The following RBFOX2 variants were observed in gnomAD, a reference collection of about 807,000 sequenced individuals.
RBFOX2 encodes the protein RNA binding fox-1 homolog 2, also known as RNA binding protein fox-1 homolog 2.
In RBFOX2, 10 loss-of-function variants were observed where a neutral mutation model predicts 49.1. The ratio of observed to expected loss-of-function variants is 0.20; its 90% CI spans 0.13 to 0.35. The LOEUF is 0.35. RBFOX2 is among the 10% of genes least tolerant of loss of function. The pLI is 1.00. For missense variants in RBFOX2, 323 were observed against 486.9 expected, an observed-to-expected ratio of 0.66 and a Z score of 3.17; for synonymous variants, 183 against 187.4, an observed-to-expected ratio of 0.98 and a Z score of 0.19.
chr22:35,804,467 C>T (rs1950331347), intron 2 of RBFOX2, among the ~76,000 whole-genome samples: 1 of 151,924 alleles, frequency 6.6e-6, no homozygotes, highest in African/African-American at 2.4e-5. Flanking sequence ...CGGCTCAAAG[C>T]CAAAGACAAA....
At chr22:35,989,169 T>C (rs1282960488) in intron 1 of RBFOX2, among the ~76,000 whole-genome samples, 6 of 152,256 alleles carry the variant, frequency 3.9e-5, no homozygotes, top group Middle Eastern at 3.4e-3. Context: ...AGACAGCAAT[T>C]TGGAAGTTGT....
chr22:35,909,132 G>A (rs2049471379), intron 1 of RBFOX2, among the ~76,000 whole-genome samples: 1 of 152,138 alleles, frequency 6.6e-6, no homozygotes, highest in African/African-American at 2.4e-5. Flanking sequence ...GTGAGCCACT[G>A]CGCCCAGCAC....
intron 1 of RBFOX2, among the ~76,000 whole-genome samples, chr22:36,014,514 T>C (rs2058958857): frequency 6.6e-6 from 1 of 152,182 alleles, no homozygotes; most frequent in South Asian, 2.1e-4. Flanking sequence ...TCAAAATTTT[T>C]AGGTTTCTTT....
Position 35,760,034 on chromosome 22 carries a change from C to G in RBFOX2, c.755-14G>C. ...GGAAGCCAGGAACTAAAGGGAGACC[C>G]AAAATATGACAGAAATTTCAACTTG... On this transcript the variant is annotated splice_polypyrimidine_tract_variant and intron_variant, in intron 8 of 11. Coordinates refer to ENST00000405409, the Ensembl canonical transcript of RBFOX2. The G allele has an allele frequency of 6.2e-7, 1 of 1,613,294 alleles. No homozygotes were observed. Among genetic ancestry groups the G allele is most frequent in the Non-Finnish European group, 8.5e-7 (1 of 1,179,842 alleles).
intron 1 of RBFOX2, among the ~76,000 whole-genome samples, chr22:35,904,530 AC>A (rs1336798012): frequency 6.6e-6 from 1 of 152,232 alleles, no homozygotes; most frequent in African/African-American, 2.4e-5. Context: ...AAAAGGACTC[AC>A]AGCTTTGCCA....
intron 2 of RBFOX2, among the ~76,000 whole-genome samples, chr22:35,794,228 C>G (rs1480365351): frequency 6.6e-6 from 1 of 151,416 alleles, no homozygotes; most frequent in Non-Finnish European, 1.5e-5. Flanking sequence ...TTTAAATCAC[C>G]ATTTGCATGG....
intron 1 of RBFOX2, among the ~76,000 whole-genome samples, chr22:35,881,493 G>A (rs1380792082): frequency 6.7e-6 from 1 of 150,274 alleles, no homozygotes; most frequent in Non-Finnish European, 1.5e-5. Context: ...AAGGAAGGAG[G>A]ATAGCTTGAA....
At chr22:35,777,011 A>T (rs145378262) in intron 4 of RBFOX2, among the ~76,000 whole-genome samples, 69 of 151,896 alleles carry the variant, frequency 4.5e-4, no homozygotes, top group African/African-American at 1.6e-3. Flanking sequence ...AAATAGGGGA[A>T]ATAATTTTTT....
intron 2 of RBFOX2, among the ~76,000 whole-genome samples, chr22:35,805,101 C>T (rs1388121967): frequency 6.6e-6 from 1 of 151,896 alleles, no homozygotes; most frequent in Non-Finnish European, 1.5e-5. Flanking sequence ...TCCTGGCTAA[C>T]ACAGTGAAAC....
At chr22:35,980,179 T>C (rs2057387934) in intron 1 of RBFOX2, among the ~76,000 whole-genome samples, 1 of 152,116 alleles carries the variant, frequency 6.6e-6, no homozygotes, top group Admixed American at 6.5e-5. Context: ...GGAATATACT[T>C]AGGTCATGTA....
chr22:35,799,464 C>T (rs920444183), intron 2 of RBFOX2, among the ~76,000 whole-genome samples: 5 of 152,180 alleles, frequency 3.3e-5, no homozygotes, highest in Non-Finnish European at 7.3e-5. Context: ...TTCTAAAACA[C>T]ATTTTAAAAA....
exon 1 of RBFOX2, chr22:36,028,511 G>A (rs2059538345): frequency 9.7e-7 from 1 of 1,030,666 alleles, no homozygotes; most frequent in Non-Finnish European, 1.2e-6. Flanking sequence ...TGTCGCGACA[G>A]GCGGGCGCGC....
At chr22:35,878,039 TAC>T (rs58181557) in intron 1 of RBFOX2, among the ~76,000 whole-genome samples, 32,104 of 140,868 alleles carry the variant, frequency 0.23, 3,971 homozygotes, top group Middle Eastern at 0.35. Context: ...CTACTACTAC[TAC>T]ACACACACAC....
chr22:35,819,946 G>T (rs969616227), intron 1 of RBFOX2, among the ~76,000 whole-genome samples: 2 of 152,176 alleles, frequency 1.3e-5, no homozygotes, highest in South Asian at 2.1e-4. Flanking sequence ...CTGGATGGAA[G>T]AAGACTCCAG....
At chr22:36,008,831 A>T in intron 1 of RBFOX2, among the ~76,000 whole-genome samples, 1 of 152,148 alleles carries the variant, frequency 6.6e-6, no homozygotes, top group Admixed American at 6.5e-5. Flanking sequence ...AAGAAAAAAA[A>T]AGGAAAGATT....
chr22:35,838,969 A>G (rs892922602), intron 1 of RBFOX2, among the ~76,000 whole-genome samples: 1 of 152,214 alleles, frequency 6.6e-6, no homozygotes, highest in Non-Finnish European at 1.5e-5. Context: ...AGCTCCTAAA[A>G]TGATGCCTCC....
chr22:35,960,020 A>G (rs530702237), intron 1 of RBFOX2, among the ~76,000 whole-genome samples: 2 of 151,898 alleles, frequency 1.3e-5, no homozygotes, highest in East Asian at 3.9e-4. Flanking sequence ...TTGCATTGTT[A>G]TTTTTTTTCT....
At chr22:35,783,973 G>T (rs1467369307) in intron 2 of RBFOX2, among the ~76,000 whole-genome samples, 1 of 152,136 alleles carries the variant, frequency 6.6e-6, no homozygotes, top group Admixed American at 6.5e-5. Flanking sequence ...TACAATGCAT[G>T]GTCCTCTGCT....
At chr22:35,810,589 TACAA>T (rs1353170666) in intron 1 of RBFOX2, among the ~76,000 whole-genome samples, 1 of 151,986 alleles carries the variant, frequency 6.6e-6, no homozygotes, top group Non-Finnish European at 1.5e-5. Flanking sequence ...GAAAATGAAA[TACAA>T]ACAACTAATA....
Sources: allele counts gnomAD v4.1 joint callset (sites outside exome capture counted in the v4.1 genomes callset), GRCh38; gene constraint gnomAD v4.1.1; transcripts MANE v1.5; gene names NCBI Gene and HGNC (gene_info 2026-07-23, HGNC 2026-07-21).